The following KPNB1 variants were observed in gnomAD, a reference collection of about 807,000 sequenced individuals.
KPNB1 encodes the protein importin subunit beta-1.
Under a neutral mutation model 113.0 loss-of-function variants are expected in KPNB1, and 7 were observed. The observed-to-expected ratio is 0.06, with a 90% CI of 0.04 to 0.12. The LOEUF is 0.12. KPNB1 is among the 10% of genes least tolerant of loss of function. KPNB1 has a pLI of 1.00. For missense variants in KPNB1, 400 were observed against 1,054.8 expected (o/e 0.38, Z 8.60); for synonymous variants, 363 against 378.6 (o/e 0.96, Z 0.48).
chr17:47,677,887 T>TA (rs1270161034), intron 17 of KPNB1, among the ~76,000 whole-genome samples, 159 bp from the exon 18 acceptor site: 1 of 152,204 alleles, frequency 6.6e-6, no homozygotes, highest in Non-Finnish European at 1.5e-5. Context: ...GCTAGCTTCT[T>TA]AGAGTTGGTG....
At chr17:47,676,725 C>T (rs970451680) in intron 16 of KPNB1, among the ~76,000 whole-genome samples, 4 of 148,430 alleles carry the variant, frequency 2.7e-5, no homozygotes, top group African/African-American at 1.0e-4. Context: ...TAATGGTGGA[C>T]AAGATGACTG....
At chr17:47,667,289 G>GCT (rs1485284498) in intron 9 of KPNB1, among the ~76,000 whole-genome samples, 1 of 151,864 alleles carries the variant, frequency 6.6e-6, no homozygotes, top group Non-Finnish European at 1.5e-5. Context: ...ACTATACCCA[G>GCT]CTAGTCTTTG....
intron 5 of KPNB1, 96 bp from the exon 6 acceptor site, chr17:47,661,023 G>A: frequency 1.1e-6 from 1 of 904,706 alleles, no homozygotes; most frequent in Non-Finnish European, 1.8e-6. Flanking sequence ...GGGCCCTGAG[G>A]GGGAGTGAGA....
intron 17 of KPNB1, 106 bp from the exon 18 acceptor site, chr17:47,677,940 T>G (rs1263631379): frequency 2.1e-5 from 24 of 1,157,574 alleles, no homozygotes; most frequent in Non-Finnish European, 2.9e-5. Flanking sequence ...TAAAGGACCA[T>G]CCAAATATTT....
intron 9 of KPNB1, among the ~76,000 whole-genome samples, chr17:47,665,790 AGT>A (rs1311033022): frequency 6.6e-6 from 1 of 152,196 alleles, no homozygotes; most frequent in Non-Finnish European, 1.5e-5. Flanking sequence ...GATGCAACAC[AGT>A]GTTTTTTGAT....
chr17:47,679,818 T>C (rs1176543689), intron 19 of KPNB1: 4 of 417,474 alleles, frequency 9.6e-6, no homozygotes, highest in Non-Finnish European at 1.3e-5. Flanking sequence ...TACCTCAGCC[T>C]CCTGAGTAGC....
intron 17 of KPNB1, 49 bp from the exon 18 acceptor site, chr17:47,677,997 G>T: frequency 6.4e-7 from 1 of 1,570,732 alleles, no homozygotes; most frequent in South Asian, 1.1e-5. Context: ...TGAATCTTTG[G>T]ACCAAACAAG....
At chr17:47,669,085 G>C (rs2030375308) in intron 10 of KPNB1, among the ~76,000 whole-genome samples, 1 of 138,582 alleles carries the variant, frequency 7.2e-6, no homozygotes, top group Admixed American at 7.7e-5. Flanking sequence ...GAGTATCTGA[G>C]TAATTCTTTT....
chr17:47,668,443 G>A (rs779896014), intron 10 of KPNB1, 33 bp downstream of exon 10: 22 of 1,532,080 alleles, frequency 1.4e-5, no homozygotes, highest in Non-Finnish European at 1.9e-5. Context: ...GTAGAAAGTA[G>A]GATATTTATT....
At chr17:47,657,221 A>C (rs567080628) in intron 4 of KPNB1, among the ~76,000 whole-genome samples, 161 bp downstream of exon 4, 1 of 152,352 alleles carries the variant, frequency 6.6e-6, no homozygotes, top group South Asian at 2.1e-4. Context: ...CTGTGTCTTC[A>C]CATTGCTAAT....
intron 4 of KPNB1, among the ~76,000 whole-genome samples, chr17:47,657,889 T>C (rs1164994534): frequency 6.6e-6 from 1 of 152,200 alleles, no homozygotes; most frequent in Admixed American, 6.5e-5. Context: ...CACCAATTCA[T>C]GATACTTTCT....
In KPNB1 at chr17:47,649,933, C is replaced by T. The variant is rs1360843436; in HGVS notation, c.-312C>T. The T allele has an allele frequency of 1.4e-5, 18 of 1,285,486 alleles. No individual in the cohort carries two copies. Among genetic ancestry groups the T allele is most frequent in the Middle Eastern group, 2.9e-4 (1 of 3,450 alleles). The allele number at this position is 1,285,486 out of a possible 1,614,324, so 79.6% of individuals were successfully genotyped here. A position where few individuals can be genotyped will look rare whatever the true frequency, so the allele number is the denominator to read the frequency against. The stretch of plus-strand genomic sequence containing the variant: ...CCTCCCTCGCTCCCTCCCTGCGCGC[C>T]GCCTCTCACTCACAGCCTCCCTTCC... On this transcript the variant is annotated 5_prime_UTR_variant, in exon 1 of 22. Transcript: ENST00000290158.
chr17:47,656,610 C>T (rs1180578483), intron 3 of KPNB1, among the ~76,000 whole-genome samples: 15 of 150,746 alleles, frequency 1.0e-4, no homozygotes, highest in African/African-American at 2.9e-4. Context: ...CTGGGCATGT[C>T]AGCATATCCA....
chr17:47,651,473 A>G (rs1267878564), intron 2 of KPNB1: 1 of 405,162 alleles, frequency 2.5e-6, no homozygotes, highest in African/African-American at 2.2e-5. Context: ...GGCTTATTTT[A>G]TACAGACTGC....
At chr17:47,672,215 A>G (rs1459422691) in intron 12 of KPNB1, among the ~76,000 whole-genome samples, 2 of 152,068 alleles carry the variant, frequency 1.3e-5, no homozygotes, top group Admixed American at 6.5e-5. Context: ...CATGTTGGCC[A>G]GGCTGGTCAC....
At position 47,650,162 on chromosome 17, in the gene KPNB1, C is replaced by G. The variant is rs1204527876; in HGVS notation, c.-83C>G. The G allele has an allele frequency of 1.4e-6, 2 of 1,384,230 alleles. No individual in the cohort carries two copies. Among genetic ancestry groups the G allele is most frequent in the South Asian group, 3.1e-5 (2 of 63,862 alleles). 85.7% of individuals were successfully genotyped at this position (1,384,230 alleles called of 1,614,324 possible). A position where few individuals can be genotyped will look rare whatever the true frequency, so the allele number is the denominator to read the frequency against. On this transcript the variant is annotated 5_prime_UTR_variant, in exon 1 of 22. Coordinates refer to ENST00000290158, the MANE Select transcript of KPNB1 (RefSeq NM_002265.6). ...CCACCCTCCCTTCCCACCCGACCCC[C>G]AACCCCCATCCCCAGTTCGAGCCGC...
rs1201238618 is a variant in KPNB1 at position 47,665,128 on chromosome 17, T to A, written c.969T>A (p.Val323=). The A allele has an allele frequency of 2.5e-6, 4 of 1,614,028 alleles. No homozygotes were observed. Among genetic ancestry groups the A allele is most frequent in the Non-Finnish European group, 3.4e-6 (4 of 1,180,000 alleles). ...FYAKGALQYL[V]PILTQTLTKQ... The stretch of plus-strand genomic sequence containing the variant: ...CGAAGGGAGCACTACAGTATCTGGT[T>A]CCAATCCTCACACAGACACTAACTA... The change falls in exon 9 of 22, where the codon GTT becomes GTA. Residue 323 remains valine (V), a synonymous_variant. Coordinates refer to ENST00000290158, the MANE Select transcript of KPNB1 (RefSeq NM_002265.6).
intron 2 of KPNB1, 89 bp downstream of exon 2, chr17:47,650,533 G>C (rs1421410621): frequency 8.8e-7 from 1 of 1,132,074 alleles, no homozygotes; most frequent in South Asian, 1.3e-5. Flanking sequence ...CAGGCCTCGG[G>C]AACCTACCCC....
At chr17:47,682,279 C>A in intron 21 of KPNB1, 125 bp from the exon 22 acceptor site, 1 of 734,076 alleles carries the variant, frequency 1.4e-6, no homozygotes, top group Admixed American at 1.9e-5. Context: ...GAAAGAGTGT[C>A]AATCCTTGAA....
Sources: gnomAD v4.1 joint callset for allele counts (sites outside exome capture counted in the v4.1 genomes callset) on GRCh38, gnomAD v4.1.1 for gene constraint, MANE v1.5 for transcripts, NCBI Gene and HGNC (gene_info 2026-07-23, HGNC 2026-07-21) for gene names.